TTYH3: variants seen among roughly 807,000 people sequenced by gnomAD.
The protein encoded by TTYH3 is protein tweety homolog 3.
In TTYH3, 23 loss-of-function variants were observed where a neutral mutation model predicts 68.2. The observed-to-expected ratio is 0.34, with a 90% CI of 0.24 to 0.48. The LOEUF is 0.48. Ranked by LOEUF, TTYH3 falls within the 20% of genes least tolerant of loss-of-function variation. The probability of loss-of-function intolerance (pLI) is 0.99; values close to 1 mark genes in which losing one functional copy is unlikely to be tolerated. For synonymous variants in TTYH3, 360 were observed against 332.8 expected (o/e 1.08, Z -0.89); for missense variants, 768 against 727.7 (o/e 1.06, Z -0.64).
At chr7:2,636,228 TATC>T (rs1223271012) in intron 1 of TTYH3, among the ~76,000 whole-genome samples, 1 of 152,214 alleles carries the variant, frequency 6.6e-6, no homozygotes, top group Non-Finnish European at 1.5e-5. Context: ...GCTGGCCTGT[TATC>T]ATCCTCCCCA....
At position 2,656,072 on chromosome 7, in the gene TTYH3, C is replaced by G. The variant is rs1238376880; in HGVS notation, c.1021-20C>G. On this transcript the variant is annotated intron_variant, in intron 9 of 13. Coordinates refer to ENST00000258796, the MANE Select transcript of TTYH3 (RefSeq NM_025250.3). ...CCCGTCCAAATGAAGTGCTGACCAT[C>G]TGCGGTGCGTGCCCCCCAGGACCCC... 1 of 1,524,048 alleles carries G rather than the reference C, an allele frequency of 6.6e-7. No homozygotes were observed. The highest frequency in any genetic ancestry group is 1.4e-5 in the African/African-American group (1 of 72,556). 94.4% of individuals were successfully genotyped at this position (1,524,048 alleles called of 1,614,324 possible).
At chr7:2,647,894 C>T in intron 4 of TTYH3, 65 bp from the exon 5 acceptor site, 1 of 1,570,740 alleles carries the variant, frequency 6.4e-7, no homozygotes, top group Non-Finnish European at 8.7e-7. Context: ...CCTCAAGGGC[C>T]CCTGGCGCCC....
intron 6 of TTYH3, 35 bp downstream of exon 6, chr7:2,649,674 G>T: frequency 6.3e-7 from 1 of 1,578,598 alleles, no homozygotes; most frequent in Non-Finnish European, 8.6e-7. Context: ...CCCGGCTGCT[G>T]GACCTGGGCA....
At chr7:2,660,748 TG>T (rs1171298790) in intron 13 of TTYH3, among the ~76,000 whole-genome samples, 3 of 152,074 alleles carry the variant, frequency 2.0e-5, no homozygotes, top group Non-Finnish European at 4.4e-5. Flanking sequence ...ACTATGGGGA[TG>T]GGCCTGGGGC....
At chr7:2,643,208 A>C (rs187096353) in intron 1 of TTYH3, among the ~76,000 whole-genome samples, 215 of 146,620 alleles carry the variant, frequency 1.5e-3, no homozygotes, top group African/African-American at 5.0e-3. Flanking sequence ...ACAAAAAATT[A>C]GCCAGGCTTG....
chr7:2,657,281 GTGATGGTGATGGTGATGCTGCCAACGA>G (rs1326795249), intron 11 of TTYH3, among the ~76,000 whole-genome samples: 2 of 152,114 alleles, frequency 1.3e-5, no homozygotes, highest in Non-Finnish European at 2.9e-5. Context: ...ATTTTCCTTT[GTGATGGTGATGGTGATGCTGCCAACGA>G]TGATGGTGAT....
chr7:2,634,581 G>A (rs1265975702), intron 1 of TTYH3, among the ~76,000 whole-genome samples: 2 of 151,716 alleles, frequency 1.3e-5, no homozygotes, highest in Non-Finnish European at 2.9e-5. Flanking sequence ...GAGGGGAGGT[G>A]GGGCCTGGGG....
intron 3 of TTYH3, 32 bp downstream of exon 3, chr7:2,647,285 C>G: frequency 6.5e-7 from 1 of 1,545,268 alleles, no homozygotes. Context: ...GCCAGGAGCA[C>G]TCTTGCTGCT....
chr7:2,658,826 G>C, intron 12 of TTYH3, 114 bp from the exon 13 acceptor site: 2 of 1,018,768 alleles, frequency 2.0e-6, no homozygotes, highest in South Asian at 1.4e-5. Flanking sequence ...GGGACCCCCA[G>C]TGAGAATGGA....
chr7:2,660,987 C>T (rs1409401947), intron 13 of TTYH3, among the ~76,000 whole-genome samples: 1 of 152,240 alleles, frequency 6.6e-6, no homozygotes, highest in Admixed American at 6.5e-5. Flanking sequence ...AGGCCAGCTG[C>T]AGAGCCAGGC....
intron 5 of TTYH3, among the ~76,000 whole-genome samples, chr7:2,649,293 TG>T (rs986469908): frequency 6.6e-6 from 1 of 151,764 alleles, no homozygotes; most frequent in Non-Finnish European, 1.5e-5. Flanking sequence ...GAGAGGGACC[TG>T]GGGGACAGGA....
Position 2,647,587 on chromosome 7 carries a change from C to G in TTYH3, c.575C>G (p.Ala192Gly). 1 of 1,573,964 alleles carries G rather than the reference C, an allele frequency of 6.4e-7. No homozygotes were observed. The highest frequency in any genetic ancestry group is 8.6e-7 in the Non-Finnish European group (1 of 1,160,726). Residue 192 changes from alanine to glycine, a missense_variant, in exon 4 of 14, where the codon GCG becomes GGG. Ala to Gly is a moderately conservative substitution (Grantham distance 60). Transcript: ENST00000258796. Reference sequence around the variant, plus strand: ...GCCATCCCCTTTTGGAGGAACACGGCGGTGTCGCTGGAGGTGCTGGCGGAG... The same window carrying G: ...GCCATCCCCTTTTGGAGGAACACGGGGGTGTCGCTGGAGGTGCTGGCGGAG... ...TAAIPFWRNTAVSLEVLAEQV... is the reference protein window; with the variant it reads ...TAAIPFWRNTGVSLEVLAEQV...
At chr7:2,659,939 G>A (rs1439548767) in intron 13 of TTYH3, 1 of 1,300,154 alleles carries the variant, frequency 7.7e-7, no homozygotes, top group South Asian at 1.2e-5. Flanking sequence ...GGCCCTCCTA[G>A]CGCTATCTGG....
intron 13 of TTYH3, chr7:2,660,380 C>A (rs1160733785): frequency 1.0e-6 from 1 of 985,304 alleles, no homozygotes; most frequent in Non-Finnish European, 1.2e-6. Flanking sequence ...TGTGCCCGGG[C>A]CCCTGGGCAT....
chr7:2,652,076 T>G, intron 7 of TTYH3, 111 bp from the exon 8 acceptor site: 1 of 894,552 alleles, frequency 1.1e-6, no homozygotes, highest in Non-Finnish European at 1.8e-6. Context: ...TGCACACATG[T>G]AAACATGCAC....
Position 2,647,034 on chromosome 7 carries a change from GGGGCGGGGACGGA to G in TTYH3, c.293+21_293+33del. On this transcript the variant is annotated intron_variant, in intron 2 of 13. Coordinates refer to ENST00000258796, the MANE Select transcript of TTYH3 (RefSeq NM_025250.3). Reference sequence around the variant, plus strand: ...ACGCTGGTGTGCAGGTGAGCGCGGTGGGGCGGGGACGGAGGGCGGGGCCAGAGGGGGCGGCCCG... The same window carrying G: ...ACGCTGGTGTGCAGGTGAGCGCGGTGGGGCGGGGCCAGAGGGGGCGGCCCG... 1.3e-6 allele frequency: 2 copies of G among 1,545,702 alleles called. No individual in the cohort carries two copies. Among genetic ancestry groups the G allele is most frequent in the Non-Finnish European group, 1.7e-6 (2 of 1,149,176 alleles).
intron 1 of TTYH3, among the ~76,000 whole-genome samples, chr7:2,640,405 G>GA (rs1360974256): frequency 6.6e-6 from 1 of 151,608 alleles, no homozygotes; most frequent in Non-Finnish European, 1.5e-5. Context: ...TGTGTGTGTG[G>GA]GGGGGGACGT....
chr7:2,637,979 C>T (rs1195593301), intron 1 of TTYH3, among the ~76,000 whole-genome samples: 2 of 152,344 alleles, frequency 1.3e-5, no homozygotes, highest in Non-Finnish European at 2.9e-5. Context: ...GGGTACCAGC[C>T]ACAGTGCCCC....
intron 13 of TTYH3, among the ~76,000 whole-genome samples, chr7:2,660,765 G>A (rs938982378): frequency 3.3e-5 from 5 of 152,120 alleles, no homozygotes; most frequent in Non-Finnish European, 7.4e-5. Context: ...GGGGCCCTGG[G>A]GTTCTGAAGC....
Sources: gnomAD v4.1 joint callset for allele counts (sites outside exome capture counted in the v4.1 genomes callset) on GRCh38, gnomAD v4.1.1 for gene constraint, MANE v1.5 for transcripts, NCBI Gene and HGNC (gene_info 2026-07-23, HGNC 2026-07-21) for gene names.